LRRC1: variants seen among roughly 807,000 people sequenced by gnomAD.
The protein encoded by LRRC1 is leucine-rich repeat-containing protein 1.
A neutral mutation model predicts 69.9 loss-of-function variants in LRRC1; 28 were observed. The ratio of observed to expected loss-of-function variants is 0.40; its 90% CI spans 0.30 to 0.55. The LOEUF (loss-of-function observed/expected upper bound fraction) is 0.55. Among genes scored for constraint, LRRC1 ranks in the 20% least tolerant of loss-of-function variants. The pLI, the probability that LRRC1 is intolerant of heterozygous loss-of-function variation, is 0.47. For missense variants in LRRC1, 498 were observed against 609.0 expected, an observed-to-expected ratio of 0.82 and a Z score of 1.92; for synonymous variants, 236 against 240.2, an observed-to-expected ratio of 0.98 and a Z score of 0.16.
chr6:53,882,812 T>C, intron 3 of LRRC1, 75 bp from the exon 4 acceptor site: 2 of 830,356 alleles, frequency 2.4e-6, no homozygotes, highest in Non-Finnish European at 3.8e-6. Flanking sequence ...GAATAAATCA[T>C]TATATTTATG....
chr6:53,848,583 G>T (rs1766022893), intron 2 of LRRC1, among the ~76,000 whole-genome samples: 1 of 152,084 alleles, frequency 6.6e-6, no homozygotes, highest in Admixed American at 6.5e-5. Flanking sequence ...ATCTGGAAGG[G>T]TCTTTTCGGT....
At chr6:53,880,277 A>G (rs1767245621) in intron 3 of LRRC1, among the ~76,000 whole-genome samples, 1 of 152,208 alleles carries the variant, frequency 6.6e-6, no homozygotes, top group South Asian at 2.1e-4. Flanking sequence ...ACTGAAAAAT[A>G]GTAATCTAGT....
chr6:53,888,684 C>T (rs1767574728), intron 4 of LRRC1, among the ~76,000 whole-genome samples: 1 of 152,138 alleles, frequency 6.6e-6, no homozygotes, highest in African/African-American at 2.4e-5. Context: ...AAGTTATACT[C>T]CTACCTCATG....
intron 1 of LRRC1, 139 bp from the exon 2 acceptor site, chr6:53,841,971 A>G: frequency 1.7e-6 from 1 of 579,072 alleles, no homozygotes. Flanking sequence ...CAACTACAGT[A>G]CTGCCATCAA....
chr6:53,898,794 G>T (rs989551755), intron 7 of LRRC1, among the ~76,000 whole-genome samples: 1 of 152,140 alleles, frequency 6.6e-6, no homozygotes, highest in Non-Finnish European at 1.5e-5. Context: ...GGATCATAAG[G>T]CAATATCAGG....
At chr6:53,910,169 A>G (rs1050698544) in intron 10 of LRRC1, among the ~76,000 whole-genome samples, 4 of 152,208 alleles carry the variant, frequency 2.6e-5, no homozygotes, top group African/African-American at 9.6e-5. Context: ...TGGCTGGACA[A>G]AGATTCTCAG....
Position 53,795,216 on chromosome 6 carries a change from T to C in LRRC1, c.-41T>C, listed in dbSNP as rs781412233. The C allele has an allele frequency of 6.4e-7, 1 of 1,551,284 alleles. No individual in the cohort carries two copies. Among genetic ancestry groups the C allele is most frequent in the Non-Finnish European group, 8.7e-7 (1 of 1,152,790 alleles). On this transcript the variant is annotated 5_prime_UTR_variant, in exon 1 of 14. Coordinates refer to ENST00000370888, the MANE Select transcript of LRRC1 (RefSeq NM_018214.5). The stretch of plus-strand genomic sequence containing the variant: ...CCAGAGCGGGCTCGGAGCCCGGGTC[T>C]CCGCCGCTCGGGACCCGGCTAGGCG...
Position 53,922,938 on chromosome 6 carries a change from C to A in LRRC1, c.*145C>A. 1 of 703,942 alleles carries A rather than the reference C, an allele frequency of 1.4e-6. No individual in the cohort carries two copies. The allele number at this position is 703,942 out of a possible 1,614,324, so 43.6% of individuals were successfully genotyped here. ...GGAGTGTGGGGAAGCTGCTGTCTCC[C>A]AGGAAGTGCCTTACTCATCCCGCAA... On this transcript the variant is annotated 3_prime_UTR_variant, in exon 14 of 14. Transcript: ENST00000370888.
intron 4 of LRRC1, among the ~76,000 whole-genome samples, chr6:53,893,651 C>T (rs767022967): frequency 3.3e-5 from 5 of 152,228 alleles, no homozygotes; most frequent in Non-Finnish European, 4.4e-5. Context: ...ATTTGAAACA[C>T]TAACAGTTCC....
Position 53,863,726 on chromosome 6 carries a change from A to T in LRRC1, c.278-15267A>T, listed in dbSNP as rs190955796. ...GGTATACTCTACCCCATGTTCTCAG[A>T]TGTGGAGATTTAACAGAACAGTGTA... is the stretch of plus-strand genomic sequence containing the variant. On this transcript the variant is annotated intron_variant, in intron 2 of 13. Coordinates refer to ENST00000370888, the MANE Select transcript of LRRC1 (RefSeq NM_018214.5). 3.4e-3 allele frequency among the ~76,000 whole-genome samples: 524 copies of T among 152,234 alleles called. 2 individuals carry two copies. Among genetic ancestry groups the T allele is most frequent in the African/African-American group, 0.012 (482 of 41,524 alleles).
chr6:53,892,699 C>A (rs1767743451), intron 4 of LRRC1, among the ~76,000 whole-genome samples: 1 of 152,224 alleles, frequency 6.6e-6, no homozygotes, highest in African/African-American at 2.4e-5. Context: ...TGTTCCAATT[C>A]TGCATTTAGG....
chr6:53,820,725 T>C (rs931131833), intron 1 of LRRC1, among the ~76,000 whole-genome samples: 1 of 152,174 alleles, frequency 6.6e-6, no homozygotes, highest in Non-Finnish European at 1.5e-5. Context: ...TGTGATGTAA[T>C]ATATGTAATA....
chr6:53,901,561 G>A (rs572279074), intron 8 of LRRC1, among the ~76,000 whole-genome samples: 156 of 151,642 alleles, frequency 1.0e-3, no homozygotes, highest in Middle Eastern at 3.4e-3. Context: ...AAAAAAAAAA[G>A]CAAAGATATG....
At chr6:53,875,930 A>ATAT (rs1227334029) in intron 2 of LRRC1, among the ~76,000 whole-genome samples, 1 of 152,144 alleles carries the variant, frequency 6.6e-6, no homozygotes, top group East Asian at 1.9e-4. Flanking sequence ...TTGAAACTAT[A>ATAT]TATTATTGTT....
chr6:53,879,167 C>A, intron 3 of LRRC1, 96 bp downstream of exon 3: 1 of 737,382 alleles, frequency 1.4e-6, no homozygotes, highest in East Asian at 2.7e-5. Context: ...CTTGGAGGTA[C>A]CTAGATGGAT....
At chr6:53,819,412 C>T (rs1765050393) in intron 1 of LRRC1, among the ~76,000 whole-genome samples, 1 of 152,070 alleles carries the variant, frequency 6.6e-6, no homozygotes. Context: ...TGTTCCTACC[C>T]TCTTTTCACA....
chr6:53,906,775 G>T (rs1361220419), intron 10 of LRRC1, among the ~76,000 whole-genome samples: 1 of 152,208 alleles, frequency 6.6e-6, no homozygotes, highest in South Asian at 2.1e-4. Flanking sequence ...ATTATGATTG[G>T]TTTTCTGGCT....
rs574967971 is a variant in LRRC1 at position 53,878,648 on chromosome 6, C to T, written c.278-345C>T. Among the ~76,000 whole-genome samples, 225 of 152,256 alleles carry T rather than the reference C, an allele frequency of 1.5e-3. 1 individual carries two copies. The highest frequency in any genetic ancestry group is 3.4e-3 in the Middle Eastern group (1 of 294). ...AAATATGGATGAAGCTTTGCTCACC[C>T]GCCTGCCGCTCACCTCCTGCTGTGC... On this transcript the variant is annotated intron_variant, in intron 2 of 13. Coordinates refer to ENST00000370888, the MANE Select transcript of LRRC1 (RefSeq NM_018214.5).
chr6:53,839,541 C>CT (rs1438004216), intron 1 of LRRC1, among the ~76,000 whole-genome samples: 1 of 152,154 alleles, frequency 6.6e-6, no homozygotes, highest in Non-Finnish European at 1.5e-5. Flanking sequence ...CGGTTTCTGG[C>CT]TTTTGACTAT....
Sources: allele counts gnomAD v4.1 joint callset (sites outside exome capture counted in the v4.1 genomes callset), GRCh38; gene constraint gnomAD v4.1.1; transcripts MANE v1.5; gene names NCBI Gene and HGNC (gene_info 2026-07-23, HGNC 2026-07-21).